Variants in ARFIP1 observed in about 807,000 individuals in gnomAD.
ARFIP1 encodes ARF interacting protein 1, also known as arfaptin-1.
Under a neutral mutation model 42.5 loss-of-function variants are expected in ARFIP1, and 24 were observed. The observed-to-expected ratio is 0.57, with a 90% confidence interval of 0.41 to 0.80. The LOEUF (loss-of-function observed/expected upper bound fraction) is 0.80, where lower values mean the gene tolerates loss of function less well. Among genes scored for constraint, ARFIP1 ranks in the 30% least tolerant of loss-of-function variants. ARFIP1 has a pLI of 0.00. For missense variants in ARFIP1, 354 were observed against 434.0 expected, an observed-to-expected ratio of 0.82 and a Z score of 1.64; for synonymous variants, 141 against 153.7, an observed-to-expected ratio of 0.92 and a Z score of 0.61.
Position 152,863,589 on chromosome 4 carries a change from A to T in ARFIP1, c.94-17A>T, listed in dbSNP as rs767447500. The stretch of plus-strand genomic sequence containing the variant: ...ATTTTTTTACAAAGTTTTTTCTTTT[A>T]TTTAAATCTTGCTAAGGATTTGAAG... On this transcript the variant is annotated splice_polypyrimidine_tract_variant and intron_variant, in intron 2 of 8. Coordinates refer to ENST00000353617, the MANE Select transcript of ARFIP1 (RefSeq NM_001025595.3). 6.9e-7 allele frequency: 1 copy of T among 1,453,966 alleles called. No individual in the cohort carries two copies. Among genetic ancestry groups the T allele is most frequent in the Admixed American group, 1.8e-5 (1 of 55,386 alleles). The allele number at this position is 1,453,966 out of a possible 1,614,324, so 90.1% of individuals were successfully genotyped here. A position where few individuals can be genotyped will look rare whatever the true frequency, so the allele number is the denominator to read the frequency against.
intron 8 of ARFIP1, among the ~76,000 whole-genome samples, chr4:152,901,423 T>C (rs78265029): frequency 0.016 from 2,417 of 152,302 alleles, 62 homozygotes; most frequent in African/African-American, 0.055. Flanking sequence ...TAGTCAGTGT[T>C]AGAGTTTGTT....
chr4:152,798,914 C>G (rs2149821714), intron 1 of ARFIP1, among the ~76,000 whole-genome samples: 1 of 152,316 alleles, frequency 6.6e-6, no homozygotes, highest in South Asian at 2.1e-4. Flanking sequence ...TATAATGTTT[C>G]ACTTAGCAAA....
intron 4 of ARFIP1, among the ~76,000 whole-genome samples, chr4:152,871,848 CT>C (rs1213818330): frequency 6.6e-6 from 1 of 151,470 alleles, no homozygotes; most frequent in African/African-American, 2.4e-5. Flanking sequence ...GTTTTCTTAC[CT>C]TTTTTTTGTG....
intron 1 of ARFIP1, among the ~76,000 whole-genome samples, chr4:152,789,380 G>A (rs1731013970): frequency 6.6e-6 from 1 of 152,082 alleles, no homozygotes; most frequent in African/African-American, 2.4e-5. Context: ...GTGAGCCACT[G>A]TACCTGGCCA....
At chr4:152,806,839 T>G (rs1348558333) in intron 1 of ARFIP1, among the ~76,000 whole-genome samples, 1 of 150,288 alleles carries the variant, frequency 6.7e-6, no homozygotes, top group East Asian at 1.9e-4. Context: ...TTTTTTCTTT[T>G]TCTTTCTTTT....
chr4:152,829,600 C>G, intron 1 of ARFIP1, 25 bp from the exon 2 acceptor site: 1 of 1,510,850 alleles, frequency 6.6e-7, no homozygotes, highest in Non-Finnish European at 9.1e-7. Context: ...TTAGTTACGG[C>G]GCTTTTTTTC....
intron 1 of ARFIP1, among the ~76,000 whole-genome samples, chr4:152,821,856 A>C (rs1730395175): frequency 6.6e-6 from 1 of 152,194 alleles, no homozygotes; most frequent in African/African-American, 2.4e-5. Flanking sequence ...ACAGAATAAC[A>C]TCCAGCAAAA....
intron 2 of ARFIP1, among the ~76,000 whole-genome samples, chr4:152,843,979 T>G (rs1477030712): frequency 6.6e-6 from 1 of 152,184 alleles, no homozygotes; most frequent in East Asian, 1.9e-4. Context: ...GCTGGAGATT[T>G]CCTTCTCACT....
intron 2 of ARFIP1, among the ~76,000 whole-genome samples, chr4:152,857,606 T>C (rs1468564099): frequency 1.3e-5 from 2 of 152,212 alleles, no homozygotes; most frequent in African/African-American, 4.8e-5. Context: ...TAATTTCAGT[T>C]AGCACAGTTT....
At chr4:152,886,585 A>G (rs781664352) in intron 7 of ARFIP1, among the ~76,000 whole-genome samples, 1 of 151,964 alleles carries the variant, frequency 6.6e-6, no homozygotes, top group Non-Finnish European at 1.5e-5. Context: ...ATAGTATTTT[A>G]ATTCTGTCTG....
intron 1 of ARFIP1, among the ~76,000 whole-genome samples, chr4:152,815,777 C>T (rs1012145190): frequency 7.7e-6 from 1 of 129,580 alleles, no homozygotes; most frequent in Non-Finnish European, 1.6e-5. Flanking sequence ...CGGAGTCTCG[C>T]TCTGTCGCCC....
chr4:152,794,150 A>G (rs1442024746), intron 1 of ARFIP1, among the ~76,000 whole-genome samples: 1 of 152,166 alleles, frequency 6.6e-6, no homozygotes, highest in Non-Finnish European at 1.5e-5. Context: ...TAGGAAATGA[A>G]CATTGATATA....
intron 8 of ARFIP1, among the ~76,000 whole-genome samples, chr4:152,898,166 T>C (rs1737513570): frequency 6.6e-6 from 1 of 151,928 alleles, no homozygotes; most frequent in South Asian, 2.1e-4. Context: ...GGATTTTTAG[T>C]AGAGATGGGG....
chr4:152,859,654 T>C (rs1733719952), intron 2 of ARFIP1, among the ~76,000 whole-genome samples: 4 of 152,134 alleles, frequency 2.6e-5, no homozygotes, highest in Admixed American at 2.0e-4. Context: ...AGCTGGGCTT[T>C]TCTTGCATTT....
In ARFIP1 at chr4:152,878,353, C is replaced by T. The variant is rs1284096161; in HGVS notation, c.412-2610C>T. On this transcript the variant is annotated intron_variant, in intron 5 of 8. Coordinates refer to ENST00000353617, the MANE Select transcript of ARFIP1 (RefSeq NM_001025595.3). ...TAATATATACTGATCTCCAATATTA[C>T]ATTTTATTTCAGTATATACTGGAAA... Among the ~76,000 whole-genome samples the T allele has an allele frequency of 8.5e-5, 13 of 152,150 alleles. No homozygotes were observed. In the East Asian group the frequency reaches 2.5e-3, roughly 29 times the overall value.
chr4:152,881,304 T>A, intron 6 of ARFIP1, 120 bp downstream of exon 6: 1 of 771,262 alleles, frequency 1.3e-6, no homozygotes, highest in Non-Finnish European at 2.1e-6. Context: ...TGAGATTCTC[T>A]TTTAAGATAT....
chr4:152,874,614 A>G (rs1387209136), intron 5 of ARFIP1, among the ~76,000 whole-genome samples: 1 of 152,184 alleles, frequency 6.6e-6, no homozygotes, highest in East Asian at 1.9e-4. Flanking sequence ...AATGCTTCAA[A>G]TACTGATTCT....
intron 1 of ARFIP1, among the ~76,000 whole-genome samples, chr4:152,808,130 G>A (rs766295389): frequency 3.0e-4 from 45 of 151,748 alleles, no homozygotes; most frequent in African/African-American, 3.9e-4. Context: ...ACAGGCATGC[G>A]CCACCACGCC....
chr4:152,804,236 T>C (rs1449870415), intron 1 of ARFIP1, among the ~76,000 whole-genome samples: 4 of 104,400 alleles, frequency 3.8e-5, no homozygotes, highest in Non-Finnish European at 7.4e-5. Context: ...ACATGTATTA[T>C]ATATAATATA....
Sources: gnomAD v4.1 joint callset for allele counts (sites outside exome capture counted in the v4.1 genomes callset) on GRCh38, gnomAD v4.1.1 for gene constraint, MANE v1.5 for transcripts, NCBI Gene and HGNC (gene_info 2026-07-23, HGNC 2026-07-21) for gene names.